The following CCNY variants were observed in gnomAD, a reference collection of about 807,000 sequenced individuals.
CCNY encodes the protein cyclin-Y.
In CCNY, 19 loss-of-function variants were observed where a neutral mutation model predicts 42.8. The observed-to-expected ratio is 0.44, with a 90% CI of 0.31 to 0.65. The LOEUF (loss-of-function observed/expected upper bound fraction) is 0.65. Among genes scored for constraint, CCNY ranks in the 30% least tolerant of loss-of-function variants. CCNY has a pLI of 0.07. For synonymous variants in CCNY, 165 were observed against 162.7 expected, an observed-to-expected ratio of 1.01 and a Z score of -0.11; for missense variants, 370 against 437.3, an observed-to-expected ratio of 0.85 and a Z score of 1.37.
chr10:35,497,732 A>G (rs1840029967), intron 2 of CCNY, among the ~76,000 whole-genome samples: 1 of 151,802 alleles, frequency 6.6e-6, no homozygotes, highest in African/African-American at 2.4e-5. Flanking sequence ...GTCTCAAAAA[A>G]AAAAAAAAAA....
intron 1 of CCNY, among the ~76,000 whole-genome samples, chr10:35,405,390 G>A (rs978031686): frequency 5.9e-5 from 9 of 152,174 alleles, no homozygotes; most frequent in Non-Finnish European, 1.2e-4. Context: ...GAGAGGATGT[G>A]AAGGAGGCTT....
chr10:35,415,664 C>T (rs1262749076), intron 1 of CCNY, among the ~76,000 whole-genome samples: 1 of 152,178 alleles, frequency 6.6e-6, no homozygotes, highest in Non-Finnish European at 1.5e-5. Flanking sequence ...AGAAAGGATG[C>T]GAGTCGAGAA....
intron 8 of CCNY, among the ~76,000 whole-genome samples, chr10:35,558,655 T>C (rs1589209328): frequency 6.6e-6 from 1 of 152,330 alleles, no homozygotes; most frequent in East Asian, 1.9e-4. Context: ...CCAGTATGTC[T>C]GATGTCCTCA....
chr10:35,551,296 AAAAAC>A (rs1274236280), intron 7 of CCNY, among the ~76,000 whole-genome samples: 18 of 152,234 alleles, frequency 1.2e-4, no homozygotes, highest in Admixed American at 5.9e-4. Flanking sequence ...CCTTTTCTTA[AAAAAC>A]AAAACAAAAC....
chr10:35,290,882 C>T (rs1442924180), intron 3 of CCNY, among the ~76,000 whole-genome samples: 1 of 152,100 alleles, frequency 6.6e-6, no homozygotes, highest in African/African-American at 2.4e-5. Flanking sequence ...AAGAAAACTC[C>T]CTACTCATTA....
intron 1 of CCNY, among the ~76,000 whole-genome samples, chr10:35,415,225 C>T (rs1224771335): frequency 6.6e-6 from 1 of 151,876 alleles, no homozygotes; most frequent in Non-Finnish European, 1.5e-5. Flanking sequence ...GAGATGGAGC[C>T]CAGTCCTCAG....
rs141454188 is a variant in CCNY at position 35,486,309 on chromosome 10, T to C, written c.229+2831T>C. Among the ~76,000 whole-genome samples, 1,089 of 152,320 alleles carry C rather than the reference T, an allele frequency of 7.1e-3. 11 individuals are homozygous for C. The highest frequency in any genetic ancestry group is 0.025 in the African/African-American group (1,039 of 41,566). Reference sequence around the variant, plus strand: ...AGAGTATTTACACCATGGAAATTGGTAAATGCTGCAAATCAGAGCATTTTT... The same window carrying C: ...AGAGTATTTACACCATGGAAATTGGCAAATGCTGCAAATCAGAGCATTTTT... On this transcript the variant is annotated intron_variant, in intron 2 of 9. Transcript: ENST00000374704.
At chr10:35,462,750 C>T (rs1406375889) in intron 1 of CCNY, among the ~76,000 whole-genome samples, 1 of 152,184 alleles carries the variant, frequency 6.6e-6, no homozygotes. Context: ...AAACACTAGC[C>T]GTCCCTCTAC....
At chr10:35,296,194 A>T (rs570079542) in intron 3 of CCNY, among the ~76,000 whole-genome samples, 2 of 152,332 alleles carry the variant, frequency 1.3e-5, no homozygotes, top group South Asian at 4.1e-4. Context: ...AATTGAAGGA[A>T]ATTGAGAAGC....
At chr10:35,397,467 T>C (rs1267751274) in intron 1 of CCNY, among the ~76,000 whole-genome samples, 1 of 152,190 alleles carries the variant, frequency 6.6e-6, no homozygotes, top group Non-Finnish European at 1.5e-5. Context: ...AGGTACTCAG[T>C]TACTTTGGAG....
intron 1 of CCNY, among the ~76,000 whole-genome samples, chr10:35,476,468 A>G (rs529579451): frequency 6.6e-6 from 1 of 152,358 alleles, no homozygotes; most frequent in East Asian, 1.9e-4. Flanking sequence ...ACTAGAACTC[A>G]GGATTAAGAA....
Position 35,529,981 on chromosome 10 carries a change from A to G in CCNY, c.410A>G (p.Asp137Gly). The G allele has an allele frequency of 1.2e-6, 2 of 1,613,706 alleles. No homozygotes were observed. Among genetic ancestry groups the G allele is most frequent in the Non-Finnish European group, 1.7e-6 (2 of 1,179,642 alleles). Residue 137 changes from aspartate (D) to glycine (G), a missense_variant, in exon 6 of 10, where the codon GAT (aspartate) becomes GGT (glycine). This residue lies in a region of CCNY where 234 missense variants were observed against 313.1 expected (regional missense o/e 0.75). Transcript: ENST00000374704. ...IYYHIKNRDP[D>G]GRMLLDIFDE... ...ATTATTTTCCCTACCAGGGACCCAG[A>G]TGGAAGGATGCTCTTAGATATTTTT...
chr10:35,269,831 T>C (rs1431679808), intron 3 of CCNY, among the ~76,000 whole-genome samples: 1 of 152,022 alleles, frequency 6.6e-6, no homozygotes, highest in Non-Finnish European at 1.5e-5. Context: ...GGTTTTACCA[T>C]GTTGGCCAGG....
chr10:35,296,660 G>A (rs901052061), intron 3 of CCNY, among the ~76,000 whole-genome samples: 1 of 152,084 alleles, frequency 6.6e-6, no homozygotes, highest in African/African-American at 2.4e-5. Flanking sequence ...ACCACCATCT[G>A]CACAGAAATA....
intron 1 of CCNY, among the ~76,000 whole-genome samples, chr10:35,451,900 G>A (rs571792413): frequency 8.5e-5 from 13 of 152,300 alleles, no homozygotes; most frequent in Non-Finnish European, 1.6e-4. Flanking sequence ...TGGCTTGAAT[G>A]GCAGTGACTT....
At chr10:35,489,464 C>T (rs990006804) in intron 2 of CCNY, among the ~76,000 whole-genome samples, 5 of 151,992 alleles carry the variant, frequency 3.3e-5, no homozygotes, top group African/African-American at 1.2e-4. Flanking sequence ...CCACGCCCAG[C>T]TAATTTTTTG....
chr10:35,258,613 C>T (rs2095717189), intron 3 of CCNY, among the ~76,000 whole-genome samples: 1 of 152,142 alleles, frequency 6.6e-6, no homozygotes, highest in Admixed American at 6.6e-5. Flanking sequence ...GGCTTCTTTG[C>T]CGACCCTGGC....
At chr10:35,327,141 T>A (rs947299567) in intron 3 of CCNY, among the ~76,000 whole-genome samples, 1 of 152,034 alleles carries the variant, frequency 6.6e-6, no homozygotes, top group African/African-American at 2.4e-5. Context: ...TTATTTCTTT[T>A]AAAAAAGATA....
At chr10:35,507,533 A>G (rs1029286291) in intron 3 of CCNY, among the ~76,000 whole-genome samples, 4 of 152,216 alleles carry the variant, frequency 2.6e-5, no homozygotes, top group Non-Finnish European at 5.9e-5. Flanking sequence ...GACCAAGGCT[A>G]TTCTCTGTGT....
Sources: gnomAD v4.1 joint callset for allele counts (sites outside exome capture counted in the v4.1 genomes callset) on GRCh38, gnomAD v4.1.1 for gene constraint, gnomAD v4.1.1 regional missense constraint, MANE v1.5 for transcripts, NCBI Gene and HGNC (gene_info 2026-07-23, HGNC 2026-07-21) for gene names.